The following PHF6 variants were observed in gnomAD, a reference collection of about 807,000 sequenced individuals.
PHF6 encodes PHD finger protein 6.
In PHF6, 7 loss-of-function variants were observed where a neutral mutation model predicts 34.0. The observed-to-expected ratio is 0.21, with a 90% CI of 0.12 to 0.39. The LOEUF is 0.39. Ranked by LOEUF, PHF6 falls within the 10% of genes least tolerant of loss-of-function variation. The probability of loss-of-function intolerance (pLI) is 1.00; values close to 1 mark genes in which losing one functional copy is unlikely to be tolerated. For synonymous variants in PHF6, 89 were observed against 88.4 expected (o/e 1.01, Z -0.04); for missense variants, 128 against 262.8 (o/e 0.49, Z 3.55).
At chrX:134,409,364 G>C (rs759680580) in intron 5 of PHF6, among the ~76,000 whole-genome samples, 1 of 111,494 alleles carries the variant, frequency 9.0e-6, no homozygotes, top group African/African-American at 3.2e-5. Context: ...CTCTTCCACT[G>C]ATATATGTCT....
intron 3 of PHF6, among the ~76,000 whole-genome samples, chrX:134,380,807 C>T (rs950465843): frequency 8.9e-6 from 1 of 111,956 alleles, no homozygotes; most frequent in African/African-American, 3.2e-5. Flanking sequence ...TGGTGCTGGG[C>T]ACATGGTTAG....
intron 3 of PHF6, among the ~76,000 whole-genome samples, chrX:134,382,453 G>A (rs747619303): frequency 1.8e-5 from 2 of 110,590 alleles, no homozygotes; most frequent in Non-Finnish European, 3.8e-5. Flanking sequence ...CTGCTTTTTT[G>A]AATTTAAGGA....
intron 5 of PHF6, among the ~76,000 whole-genome samples, chrX:134,408,019 C>T (rs1056772811): frequency 8.9e-6 from 1 of 111,877 alleles, no homozygotes; most frequent in African/African-American, 3.3e-5. Flanking sequence ...CCTCCGCCTC[C>T]CGGGTTCAAG....
At chrX:134,394,102 C>T in intron 5 of PHF6, 150 bp downstream of exon 5, 1 of 533,132 alleles carries the variant, frequency 1.9e-6, no homozygotes, top group South Asian at 3.0e-5. Flanking sequence ...TTAGGATAAA[C>T]TAATGTGCAT....
intron 5 of PHF6, among the ~76,000 whole-genome samples, chrX:134,404,323 T>C (rs1490969115): frequency 8.9e-6 from 1 of 111,855 alleles, no homozygotes; most frequent in Non-Finnish European, 1.9e-5. Flanking sequence ...ACTGCAGATG[T>C]GGTAGAAATA....
intron 5 of PHF6, among the ~76,000 whole-genome samples, chrX:134,410,592 G>T (rs773043614): frequency 9.1e-6 from 1 of 110,148 alleles, no homozygotes; most frequent in Non-Finnish European, 1.9e-5. Context: ...TTCCTTGTCA[G>T]AGGTACAGCA....
chrX:134,413,367 A>G, intron 5 of PHF6, 124 bp from the exon 6 acceptor site: 2 of 686,513 alleles, frequency 2.9e-6, no homozygotes, highest in African/African-American at 4.3e-5. Flanking sequence ...AACATACCAC[A>G]GACCATTTCT....
chrX:134,412,194 C>G (rs1243115141), intron 5 of PHF6, among the ~76,000 whole-genome samples: 1 of 112,400 alleles, frequency 8.9e-6, no homozygotes. Context: ...AAGTTATTCA[C>G]GTGAATTTAT....
rs188512981 is a variant in PHF6, at chrX:134,390,657, G to A, written c.241-2844G>A. On this transcript the variant is annotated intron_variant, in intron 3 of 10. Transcript: ENST00000370803. ...AATTTGTTTTTTAAATAATATTTTTGCATATAAAAGTACTTTTGCCCATTG... is the reference window on the plus strand; with the variant it reads ...AATTTGTTTTTTAAATAATATTTTTACATATAAAAGTACTTTTGCCCATTG... 7.5e-3 allele frequency among the ~76,000 whole-genome samples: 833 copies of A among 111,558 alleles called. 5 individuals are homozygous for A. Among genetic ancestry groups the A allele is most frequent in the African/African-American group, 0.026 (793 of 30,762 alleles).
At chrX:134,375,638 G>A (rs1042865626) in intron 1 of PHF6, among the ~76,000 whole-genome samples, 2 of 111,895 alleles carry the variant, frequency 1.8e-5, no homozygotes, top group African/African-American at 3.2e-5. Context: ...GGATGACCGG[G>A]AGTAATGCTG....
At position 134,424,936 on chromosome X, in the gene PHF6, T is replaced by C. The variant is rs778500418; in HGVS notation, c.969-265T>C. 6.6e-3 allele frequency among the ~76,000 whole-genome samples: 742 copies of C among 112,150 alleles called. 4 individuals carry two copies. Among genetic ancestry groups the C allele is most frequent in the African/African-American group, 0.022 (694 of 30,941 alleles). On this transcript the variant is annotated intron_variant, in intron 9 of 10. Transcript: ENST00000370803. ...GGCCAAAACTTTGCTTTTAATCTCA[T>C]TGGGCAAAATGAGGAATTGCCTTAT...
intron 3 of PHF6, among the ~76,000 whole-genome samples, chrX:134,392,449 A>G (rs1326248328): frequency 8.9e-6 from 1 of 112,234 alleles, no homozygotes; most frequent in Non-Finnish European, 1.9e-5. Context: ...TAACTTTTTA[A>G]AGATAACTTT....
intron 7 of PHF6, 83 bp downstream of exon 7, chrX:134,414,049 A>AT (rs959180714): frequency 8.7e-4 from 882 of 1,014,529 alleles, no homozygotes; most frequent in Non-Finnish European, 1.0e-3. Flanking sequence ...AGCCCAAATG[A>AT]TTTTTTTTTT....
At chrX:134,416,921 C>G (rs753352033) in intron 8 of PHF6, among the ~76,000 whole-genome samples, 33 of 112,034 alleles carry the variant, frequency 2.9e-4, no homozygotes, top group Non-Finnish European at 6.0e-4. Flanking sequence ...TGAGGAGAAT[C>G]TTATCTACAT....
chrX:134,403,196 C>T (rs1439538489), intron 5 of PHF6, among the ~76,000 whole-genome samples: 1 of 112,136 alleles, frequency 8.9e-6, no homozygotes, highest in Non-Finnish European at 1.9e-5. Flanking sequence ...GCCTCTTGTA[C>T]CAAACAGCCA....
chrX:134,376,780 TG>T (rs2077279529), intron 1 of PHF6, among the ~76,000 whole-genome samples: 1 of 112,022 alleles, frequency 8.9e-6, no homozygotes, highest in Middle Eastern at 4.2e-3. Flanking sequence ...TTAAATAGAC[TG>T]TCAGAAGCCT....
At position 134,426,453 on chromosome X, in the gene PHF6, C is replaced by T; in HGVS notation, c.*793C>T. ...ACCGCTTGCTAAGGACTTCAGACAC[C>T]ATGTCCGAAACCTGTTCCTCTCAAG... On this transcript the variant is annotated 3_prime_UTR_variant, in exon 11 of 11. Coordinates refer to ENST00000370803, the MANE Select transcript of PHF6 (RefSeq NM_001015877.2). 6.1e-6 allele frequency: 1 copy of T among 162,754 alleles called. No homozygotes were observed. Among genetic ancestry groups the T allele is most frequent in the Non-Finnish European group, 1.2e-5 (1 of 83,184 alleles). 13.4% of individuals were successfully genotyped at this position (162,754 alleles called of 1,213,427 possible).
At chrX:134,406,576 CTGGTA>C (rs2077426091) in intron 5 of PHF6, among the ~76,000 whole-genome samples, 4 of 111,280 alleles carry the variant, frequency 3.6e-5, no homozygotes, top group African/African-American at 1.3e-4. Flanking sequence ...AGTTGGTGTC[CTGGTA>C]CGTTGGGCAT....
intron 8 of PHF6, 83 bp from the exon 9 acceptor site, chrX:134,417,086 A>G (rs2077474944): frequency 2.9e-6 from 3 of 1,050,230 alleles, no homozygotes; most frequent in Non-Finnish European, 4.0e-6. Flanking sequence ...CTATGTGATA[A>G]TTTCAGTGTA....
Sources: allele counts gnomAD v4.1 joint callset (sites outside exome capture counted in the v4.1 genomes callset), GRCh38; gene constraint gnomAD v4.1.1; transcripts MANE v1.5; gene names NCBI Gene and HGNC (gene_info 2026-07-23, HGNC 2026-07-21).